The following COL19A1 variants were observed in gnomAD, a reference collection of about 807,000 sequenced individuals.
COL19A1 encodes the protein collagen alpha-1(XIX) chain.
In COL19A1, 159 loss-of-function variants were observed where a neutral mutation model predicts 190.2. The ratio of observed to expected loss-of-function variants is 0.84; its 90% CI spans 0.73 to 0.95. COL19A1 has a LOEUF of 0.95. COL19A1 is among the 40% of genes least tolerant of loss of function. COL19A1 has a pLI of 0.00. For synonymous variants in COL19A1, 509 were observed against 458.9 expected (o/e 1.11, Z -1.39); for missense variants, 1,418 against 1,431.9 (o/e 0.99, Z 0.16).
At position 70,186,429 on chromosome 6, in the gene COL19A1, T is replaced by C. The variant is rs544550362; in HGVS notation, c.2856+1514T>C. On this transcript the variant is annotated intron_variant, in intron 46 of 50. Coordinates refer to ENST00000620364, the MANE Select transcript of COL19A1 (RefSeq NM_001858.6). Reference sequence around the variant, plus strand: ...TATTTTTATAACTAAGACAGTAGCATTGATACCAGGCCTAAGTGCTTTTAT... The same window carrying C: ...TATTTTTATAACTAAGACAGTAGCACTGATACCAGGCCTAAGTGCTTTTAT... 1.2e-4 allele frequency among the ~76,000 whole-genome samples: 18 copies of C among 152,354 alleles called. No homozygotes were observed. The South Asian group carries it at 3.5e-3, about 30-fold the overall frequency.
intron 2 of COL19A1, chr6:69,889,953 C>T: frequency 6.6e-6 from 1 of 152,368 alleles, no homozygotes; most frequent in Non-Finnish European, 1.5e-5. Flanking sequence ...GGGTCCACAC[C>T]ACCTTTAAGA....
intron 11 of COL19A1, among the ~76,000 whole-genome samples, chr6:69,994,452 C>T (rs188662110): frequency 6.6e-5 from 10 of 152,196 alleles, no homozygotes; most frequent in Non-Finnish European, 8.8e-5. Context: ...TTGCCTATGA[C>T]GCTTGTGGAG....
chr6:69,915,074 C>G (rs1180105827), intron 4 of COL19A1, among the ~76,000 whole-genome samples: 11 of 152,068 alleles, frequency 7.2e-5, no homozygotes, highest in Non-Finnish European at 1.6e-4. Flanking sequence ...TATTTGAAAC[C>G]GAACTGTTAC....
intron 3 of COL19A1, 150 bp downstream of exon 3, chr6:69,899,172 T>G (rs1769993260): frequency 3.5e-6 from 2 of 578,372 alleles, no homozygotes; most frequent in East Asian, 6.0e-5. Context: ...TTAATTTTTT[T>G]TTTTTTTTTT....
chr6:70,170,490 G>A (rs1765433347), intron 40 of COL19A1, among the ~76,000 whole-genome samples: 1 of 152,064 alleles, frequency 6.6e-6, no homozygotes, highest in African/African-American at 2.4e-5. Context: ...ATCTTCTGAG[G>A]CGCTCCATTT....
At chr6:70,042,917 C>T (rs1175411047) in intron 14 of COL19A1, among the ~76,000 whole-genome samples, 1 of 152,218 alleles carries the variant, frequency 6.6e-6, no homozygotes, top group Non-Finnish European at 1.5e-5. Flanking sequence ...AATTCAGCCA[C>T]ATCTTCAGGC....
chr6:70,025,496 G>A (rs1778685593), intron 12 of COL19A1, among the ~76,000 whole-genome samples: 1 of 152,238 alleles, frequency 6.6e-6, no homozygotes, highest in African/African-American at 2.4e-5. Context: ...AAAACAGGAA[G>A]AGATGAAGCC....
At chr6:70,187,953 G>C in intron 46 of COL19A1, 122 bp from the exon 47 acceptor site, 1 of 1,156,950 alleles carries the variant, frequency 8.6e-7, no homozygotes, top group Non-Finnish European at 1.2e-6. Flanking sequence ...GACACAGAGA[G>C]TTTAAGTTAT....
At chr6:69,982,877 C>T (rs1265237255) in intron 11 of COL19A1, among the ~76,000 whole-genome samples, 1 of 151,414 alleles carries the variant, frequency 6.6e-6, no homozygotes, top group Non-Finnish European at 1.5e-5. Context: ...GAGGCTGAGG[C>T]AGGAGAATGG....
intron 9 of COL19A1, among the ~76,000 whole-genome samples, chr6:69,939,924 A>G (rs570339616): frequency 6.6e-6 from 1 of 152,258 alleles, no homozygotes; most frequent in South Asian, 2.1e-4. Context: ...ATGTGGCTTA[A>G]TTTTTGGTGA....
intron 18 of COL19A1, among the ~76,000 whole-genome samples, chr6:70,132,027 G>A (rs1785555179): frequency 6.6e-6 from 1 of 152,134 alleles, no homozygotes; most frequent in Non-Finnish European, 1.5e-5. Context: ...GGAACTTGAT[G>A]CAGTACATGA....
At chr6:70,174,590 A>G (rs914699682) in intron 41 of COL19A1, among the ~76,000 whole-genome samples, 12 of 152,012 alleles carry the variant, frequency 7.9e-5, no homozygotes, top group African/African-American at 2.9e-4. Context: ...ACAGGACTAC[A>G]TGTGCTTTTC....
intron 16 of COL19A1, among the ~76,000 whole-genome samples, chr6:70,117,118 G>C (rs1784624487): frequency 6.6e-6 from 1 of 152,168 alleles, no homozygotes; most frequent in Non-Finnish European, 1.5e-5. Flanking sequence ...AGGAGCCACA[G>C]AGCTCCTGAT....
chr6:69,870,249 A>G (rs982937548), intron 1 of COL19A1, among the ~76,000 whole-genome samples: 1 of 152,238 alleles, frequency 6.6e-6, no homozygotes, highest in Non-Finnish European at 1.5e-5. Flanking sequence ...GAAGACACAG[A>G]TAAATAAAAT....
At chr6:70,189,838 T>G (rs935867494) in intron 47 of COL19A1, among the ~76,000 whole-genome samples, 18 of 152,228 alleles carry the variant, frequency 1.2e-4, no homozygotes, top group African/African-American at 4.1e-4. Context: ...ATACAACATT[T>G]TTTAAAATAA....
intron 4 of COL19A1, among the ~76,000 whole-genome samples, chr6:69,906,235 C>T (rs1039236569): frequency 2.6e-5 from 4 of 152,166 alleles, no homozygotes; most frequent in Admixed American, 1.3e-4. Context: ...TGAATTTCTA[C>T]ATGCTGTTGG....
chr6:70,154,064 C>T (rs373980167), intron 31 of COL19A1, among the ~76,000 whole-genome samples: 2 of 151,870 alleles, frequency 1.3e-5, no homozygotes, highest in East Asian at 1.9e-4. Context: ...CCCATCAACC[C>T]GTCATCTACA....
At chr6:69,940,552 G>A (rs555345760) in intron 9 of COL19A1, among the ~76,000 whole-genome samples, 1 of 152,146 alleles carries the variant, frequency 6.6e-6, no homozygotes, top group Non-Finnish European at 1.5e-5. Context: ...GTATCTTAGA[G>A]TAACAATGCA....
intron 14 of COL19A1, among the ~76,000 whole-genome samples, chr6:70,050,640 CT>C (rs1376037313): frequency 6.6e-6 from 1 of 152,092 alleles, no homozygotes; most frequent in Non-Finnish European, 1.5e-5. Flanking sequence ...TATAACATCA[CT>C]TACTTGGATA....
Sources: gnomAD v4.1 joint callset for allele counts (sites outside exome capture counted in the v4.1 genomes callset) on GRCh38, gnomAD v4.1.1 for gene constraint, MANE v1.5 for transcripts, NCBI Gene and HGNC (gene_info 2026-07-23, HGNC 2026-07-21) for gene names.